The following DTNBP1 variants were observed in gnomAD, a reference collection of about 807,000 sequenced individuals.
DTNBP1 encodes the protein dysbindin.
A neutral mutation model predicts 42.8 loss-of-function variants in DTNBP1; 35 were observed. The observed-to-expected ratio is 0.82, with a 90% CI of 0.63 to 1.09. The LOEUF (loss-of-function observed/expected upper bound fraction) is 1.09. Among genes scored for constraint, DTNBP1 ranks in the 50% least tolerant of loss-of-function variants. The probability of loss-of-function intolerance (pLI) is 0.00; values close to 1 mark genes in which losing one functional copy is unlikely to be tolerated. For missense variants in DTNBP1, 457 were observed against 424.2 expected (o/e 1.08, Z -0.68); for synonymous variants, 171 against 162.2 (o/e 1.05, Z -0.41).
intron 9 of DTNBP1, chr6:15,524,043 A>G: frequency 7.7e-7 from 1 of 1,294,198 alleles, no homozygotes; most frequent in East Asian, 5.4e-5. Context: ...AATTTTGTGA[A>G]GGGATGAAAG....
At chr6:15,604,887 GACC>G (rs1365492336) in intron 6 of DTNBP1, among the ~76,000 whole-genome samples, 3 of 152,134 alleles carry the variant, frequency 2.0e-5, no homozygotes, top group Middle Eastern at 3.2e-3. Context: ...AGGCAGCAGC[GACC>G]ACCACTTCTA....
chr6:15,533,439 G>C (rs199687646), intron 7 of DTNBP1, 44 bp from the exon 8 acceptor site: 95 of 1,614,074 alleles, frequency 5.9e-5, no homozygotes, highest in Non-Finnish European at 7.5e-5. Context: ...AAAAGGGACT[G>C]AGAGAGGAAA....
At position 15,522,822 on chromosome 6, in the gene DTNBP1, C is replaced by T; in HGVS notation, c.*153G>A. On this transcript the variant is annotated 3_prime_UTR_variant, in exon 10 of 10. Coordinates refer to ENST00000344537, the MANE Select transcript of DTNBP1 (RefSeq NM_032122.5). Reference sequence around the variant, plus strand: ...GCGCTCTCAGTTTACCGTCCTCACACTTTATTGTTAGCTGTTCTTTAAGTT... The same window carrying T: ...GCGCTCTCAGTTTACCGTCCTCACATTTTATTGTTAGCTGTTCTTTAAGTT... 2.2e-6 allele frequency: 3 copies of T among 1,375,406 alleles called. No individual in the cohort carries two copies. Among genetic ancestry groups the T allele is most frequent in the Non-Finnish European group, 3.0e-6 (3 of 987,500 alleles). The allele number at this position is 1,375,406 out of a possible 1,614,324, so 85.2% of individuals were successfully genotyped here.
chr6:15,645,722 C>T lies in DTNBP1; in HGVS notation c.161+5591G>A, dbSNP rs377093146. ...TCTCAAAAGACACAGAAAAGGCATT[C>T]GATAAAATTCAATATCCCTTCATAA... On this transcript the variant is annotated intron_variant, in intron 3 of 9. Coordinates refer to ENST00000344537, the MANE Select transcript of DTNBP1 (RefSeq NM_032122.5). Among the ~76,000 whole-genome samples the T allele has an allele frequency of 7.9e-5, 12 of 151,904 alleles. No homozygotes were observed. The East Asian group carries it at 1.4e-3, about 17-fold the overall frequency.
intron 7 of DTNBP1, among the ~76,000 whole-genome samples, chr6:15,565,164 T>G (rs1351172103): frequency 6.6e-6 from 1 of 152,214 alleles, no homozygotes; most frequent in Non-Finnish European, 1.5e-5. Flanking sequence ...ATGGCTGTAT[T>G]AAAATAGACA....
At chr6:15,531,472 C>T (rs1365337976) in intron 8 of DTNBP1, among the ~76,000 whole-genome samples, 6 of 152,162 alleles carry the variant, frequency 3.9e-5, no homozygotes, top group African/African-American at 1.4e-4. Flanking sequence ...CTCCAGAGAA[C>T]GTTGTTAAGC....
At chr6:15,566,101 T>G (rs1017671902) in intron 7 of DTNBP1, among the ~76,000 whole-genome samples, 1 of 151,612 alleles carries the variant, frequency 6.6e-6, no homozygotes, top group Non-Finnish European at 1.5e-5. Flanking sequence ...GATCACGAGG[T>G]CAAGAGATCG....
At chr6:15,636,180 A>G (rs1436971208) in intron 4 of DTNBP1, among the ~76,000 whole-genome samples, 1 of 50,214 alleles carries the variant, frequency 2.0e-5, no homozygotes. Flanking sequence ...TTTGAGACAG[A>G]GTTTCTGTCA....
At chr6:15,597,378 G>T (rs150341049) in intron 6 of DTNBP1, among the ~76,000 whole-genome samples, 1 of 152,246 alleles carries the variant, frequency 6.6e-6, no homozygotes, top group African/African-American at 2.4e-5. Flanking sequence ...CATTTATCGA[G>T]AACATGGCAG....
At chr6:15,589,330 A>C (rs1394850568) in intron 7 of DTNBP1, among the ~76,000 whole-genome samples, 1 of 152,200 alleles carries the variant, frequency 6.6e-6, no homozygotes, top group East Asian at 1.9e-4. Flanking sequence ...TTTCAAACTG[A>C]AATCTCTTCT....
chr6:15,589,784 T>C (rs9296985), intron 7 of DTNBP1, among the ~76,000 whole-genome samples: 23,511 of 152,164 alleles, frequency 0.15, 2,699 homozygotes, highest in African/African-American at 0.32. Flanking sequence ...TCTTTCCATT[T>C]TCTTTGGTAT....
At chr6:15,585,708 G>A in intron 7 of DTNBP1, 3 of 1,534,604 alleles carry the variant, frequency 2.0e-6, no homozygotes, top group Non-Finnish European at 2.6e-6. Flanking sequence ...AGAAAATAAA[G>A]TTCCACCTAC....
In DTNBP1 at chr6:15,652,076, C is replaced by G; in HGVS notation, c.110+11G>C. On this transcript the variant is annotated intron_variant, in intron 2 of 9. Coordinates refer to ENST00000344537, the MANE Select transcript of DTNBP1 (RefSeq NM_032122.5). ...AGTCACAGTTAAGTTAAAATCTTAG[C>G]ACAAGCTTACCTGGGTTTGCTTTTC... The G allele has an allele frequency of 1.2e-6, 2 of 1,612,036 alleles. No individual in the cohort carries two copies. Among genetic ancestry groups the G allele is most frequent in the Non-Finnish European group, 1.7e-6 (2 of 1,178,540 alleles).
intron 7 of DTNBP1, among the ~76,000 whole-genome samples, chr6:15,541,870 G>A (rs953796565): frequency 2.0e-5 from 3 of 152,042 alleles, no homozygotes; most frequent in South Asian, 2.1e-4. Flanking sequence ...CCTTTTAACC[G>A]AGATAGGTAA....
chr6:15,534,621 C>T (rs1773099736), intron 7 of DTNBP1, among the ~76,000 whole-genome samples: 1 of 141,352 alleles, frequency 7.1e-6, no homozygotes, highest in East Asian at 2.0e-4. Flanking sequence ...GATCTTGCCA[C>T]TGCACTCCAG....
At chr6:15,540,234 T>C (rs1773480220) in intron 7 of DTNBP1, among the ~76,000 whole-genome samples, 1 of 152,194 alleles carries the variant, frequency 6.6e-6, no homozygotes, top group African/African-American at 2.4e-5. Context: ...TTTTCATTTG[T>C]TTCACTTCAG....
intron 6 of DTNBP1, 49 bp downstream of exon 6, chr6:15,615,218 G>GA (rs777667217): frequency 1.2e-6 from 2 of 1,613,576 alleles, no homozygotes; most frequent in Admixed American, 3.3e-5. Flanking sequence ...AAGTAATATG[G>GA]AAAACTTCGA....
intron 7 of DTNBP1, among the ~76,000 whole-genome samples, chr6:15,570,384 T>G (rs1210777702): frequency 6.6e-6 from 1 of 152,224 alleles, no homozygotes; most frequent in Non-Finnish European, 1.5e-5. Flanking sequence ...AGTGGCCGTT[T>G]CCTGACTAGC....
At chr6:15,622,260 T>G (rs1759079955) in intron 5 of DTNBP1, among the ~76,000 whole-genome samples, 1 of 152,166 alleles carries the variant, frequency 6.6e-6, no homozygotes, top group African/African-American at 2.4e-5. Context: ...TTTAGTATAT[T>G]AAACCAGGTC....
Sources: allele counts gnomAD v4.1 joint callset (sites outside exome capture counted in the v4.1 genomes callset), GRCh38; gene constraint gnomAD v4.1.1; transcripts MANE v1.5; gene names NCBI Gene and HGNC (gene_info 2026-07-23, HGNC 2026-07-21).